Variants in PKP1 observed in about 807,000 individuals in gnomAD.
PKP1 encodes the protein plakophilin-1.
In PKP1, 27 loss-of-function variants were observed where a neutral mutation model predicts 76.4. That is an observed-to-expected ratio of 0.35 (90% CI 0.26 to 0.49). The LOEUF is 0.49. PKP1 is among the 20% of genes least tolerant of loss of function. The pLI, the probability that PKP1 is intolerant of heterozygous loss-of-function variation, is 0.99. For missense variants in PKP1, 964 were observed against 955.2 expected (o/e 1.01, Z -0.12); for synonymous variants, 404 against 384.2 (o/e 1.05, Z -0.60).
chr1:201,298,347 G>T (rs549646493), intron 2 of PKP1, among the ~76,000 whole-genome samples: 4 of 152,212 alleles, frequency 2.6e-5, no homozygotes, highest in Non-Finnish European at 5.9e-5. Flanking sequence ...AAGCTGAGGC[G>T]TGTGGACAAT....
chr1:201,294,042 T>G lies in PKP1; in HGVS notation c.303T>G (p.Tyr101Ter). The G allele has an allele frequency of 6.2e-7, 1 of 1,602,354 alleles. No homozygotes were observed. Among genetic ancestry groups the G allele is most frequent in the Non-Finnish European group, 8.6e-7 (1 of 1,169,486 alleles). ...KFQAGNGSWG[Y>*]PIYNGTLKRE... ...AGGCAGGGAATGGCTCATGGGGATA[T>G]CCGGTAAGGAACTGCTTCCATCCTA... Residue 101 changes from tyrosine (Y) to a stop codon, truncating the protein, a stop_gained, in exon 2 of 14, where the codon TAT becomes TAG. Transcript: ENST00000367324. LOFTEE classifies it high-confidence loss of function.
chr1:201,305,799 C>T (rs563079964), intron 2 of PKP1, among the ~76,000 whole-genome samples: 16 of 152,304 alleles, frequency 1.1e-4, no homozygotes, highest in South Asian at 1.0e-3. Context: ...GGTGCTGGCT[C>T]GTCATCCAGG....
chr1:201,297,529 C>T (rs545719489), intron 2 of PKP1, among the ~76,000 whole-genome samples: 7 of 152,260 alleles, frequency 4.6e-5, no homozygotes, highest in Admixed American at 4.6e-4. Context: ...GAAACGCAGG[C>T]CCAGAGAAGA....
rs759929631 is a variant in PKP1 at position 201,283,741 on chromosome 1, A to G, written c.39A>G (p.Glu13=). The G allele has an allele frequency of 6.2e-7, 1 of 1,614,092 alleles. No homozygotes were observed. The highest frequency in any genetic ancestry group is 8.5e-7 in the Non-Finnish European group (1 of 1,179,948). The part of the protein sequence containing the change: ...HSPLKTALAY[E]CFQDQDNSTL... ...CGCTCAAGACCGCCTTGGCGTACGA[A>G]TGCTTCCAGGACCAGGACAACTCCA... is the stretch of plus-strand genomic sequence containing the variant. The change falls in exon 1 of 14, where the codon GAA becomes GAG. Residue 13 remains glutamate, a synonymous_variant. Coordinates refer to ENST00000367324, the MANE Select transcript of PKP1 (RefSeq NM_001005337.3).
At chr1:201,328,013 T>A (rs1657203419) in intron 12 of PKP1, among the ~76,000 whole-genome samples, 1 of 152,218 alleles carries the variant, frequency 6.6e-6, no homozygotes, top group Admixed American at 6.5e-5. Flanking sequence ...AACCGGCTGC[T>A]GTTTCGGATC....
chr1:201,330,551 G>C lies in PKP1; in HGVS notation c.*510G>C, dbSNP rs1229892755. On this transcript the variant is annotated 3_prime_UTR_variant, in exon 14 of 14. Transcript: ENST00000367324. ...ATAATTCCTGAAATGTGTGGTGCCA[G>C]GGCAAGGGGGCCATCACTGCAGTCA... The C allele has an allele frequency of 1.1e-4, 16 of 152,276 alleles. No homozygotes were observed. Among genetic ancestry groups the C allele is most frequent in the Non-Finnish European group, 2.9e-5 (2 of 68,086 alleles). 9.4% of individuals were successfully genotyped at this position (152,276 alleles called of 1,614,324 possible).
At position 201,283,773 on chromosome 1, in the gene PKP1, C is replaced by T; in HGVS notation, c.71C>T (p.Ala24Val). The change falls in exon 1 of 14, where the codon GCT (alanine) becomes GTT (valine). Residue 24 changes from alanine (A) to valine (V), a missense_variant. Transcript: ENST00000367324. ...CAGGACCAGGACAACTCCACGTTGG[C>T]TTTGCCGTCGGACCAAAAGATGAAA... ...CFQDQDNSTL[A>V]LPSDQKMKTG... 1 of 1,614,184 alleles carries T rather than the reference C, an allele frequency of 6.2e-7. No individual in the cohort carries two copies. Among genetic ancestry groups the T allele is most frequent in the South Asian group, 1.1e-5 (1 of 91,092 alleles).
At chr1:201,303,208 G>A (rs1450976001) in intron 2 of PKP1, among the ~76,000 whole-genome samples, 1 of 152,180 alleles carries the variant, frequency 6.6e-6, no homozygotes, top group Non-Finnish European at 1.5e-5. Context: ...TTTAGAGACA[G>A]GGTCTCACTA....
chr1:201,287,296 G>A (rs1386672074), intron 1 of PKP1, among the ~76,000 whole-genome samples: 5 of 152,220 alleles, frequency 3.3e-5, no homozygotes, highest in African/African-American at 1.2e-4. Context: ...CATCAGGGGA[G>A]AGGGGGGCAT....
At chr1:201,285,857 C>T (rs572566277) in intron 1 of PKP1, among the ~76,000 whole-genome samples, 67 of 152,314 alleles carry the variant, frequency 4.4e-4, no homozygotes, top group African/African-American at 1.5e-3. Flanking sequence ...TCCCAAGGTC[C>T]CCCAGGGGGC....
At chr1:201,326,342 G>C (rs1657126781) in intron 12 of PKP1, among the ~76,000 whole-genome samples, 1 of 152,264 alleles carries the variant, frequency 6.6e-6, no homozygotes, top group Non-Finnish European at 1.5e-5. Flanking sequence ...GGGCTGAGAA[G>C]CCTGGAGGCT....
At chr1:201,293,715 G>A (rs1655991603) in intron 1 of PKP1, among the ~76,000 whole-genome samples, 1 of 152,170 alleles carries the variant, frequency 6.6e-6, no homozygotes, top group African/African-American at 2.4e-5. Context: ...ACAGATGAGA[G>A]TTTTAGAGCT....
Position 201,332,552 on chromosome 1 carries a change from C to G in PKP1, c.*2511C>G, listed in dbSNP as rs1657361148. 6.6e-6 allele frequency: 1 copy of G among 152,232 alleles called. No individual in the cohort carries two copies. Among genetic ancestry groups the G allele is most frequent in the East Asian group, 1.9e-4 (1 of 5,204 alleles). The allele number at this position is 152,232 out of a possible 1,614,324, so 9.4% of individuals were successfully genotyped here. A position where few individuals can be genotyped will look rare whatever the true frequency, so the allele number is the denominator to read the frequency against. Reference sequence around the variant, plus strand: ...CACATTGGCCTCACACTACCAGGGCCAATGCCCAAAATAAGGAGTTCCAAT... The same window carrying G: ...CACATTGGCCTCACACTACCAGGGCGAATGCCCAAAATAAGGAGTTCCAAT... On this transcript the variant is annotated 3_prime_UTR_variant, in exon 14 of 14. Transcript: ENST00000367324.
intron 2 of PKP1, among the ~76,000 whole-genome samples, chr1:201,302,524 C>T (rs1479686741): frequency 6.6e-6 from 1 of 152,208 alleles, no homozygotes; most frequent in Non-Finnish European, 1.5e-5. Context: ...CTAGACTCAG[C>T]GAGACAAATG....
intron 1 of PKP1, among the ~76,000 whole-genome samples, chr1:201,291,256 T>C (rs149377400): frequency 7.2e-5 from 11 of 152,144 alleles, no homozygotes; most frequent in South Asian, 2.1e-4. Context: ...CAACTACAGA[T>C]AGGTCTTAGG....
At position 201,283,658 on chromosome 1, in the gene PKP1, C is replaced by A. The variant is rs761199347; in HGVS notation, c.-45C>A. Reference sequence around the variant, plus strand: ...CTGCACCGCACCTCGCCTCGCCTCTCTGCTCTCCTAGGCCCCGGCCGCGCG... The same window carrying A: ...CTGCACCGCACCTCGCCTCGCCTCTATGCTCTCCTAGGCCCCGGCCGCGCG... On this transcript the variant is annotated 5_prime_UTR_variant, in exon 1 of 14. In the 5' UTR this introduces an upstream ATG that the reference lacks. Transcript: ENST00000367324. 3.3e-5 allele frequency: 51 copies of A among 1,554,442 alleles called. No individual in the cohort carries two copies. Among genetic ancestry groups the A allele is most frequent in the Non-Finnish European group, 4.2e-5 (48 of 1,133,494 alleles).
At chr1:201,316,301 G>A in intron 3 of PKP1, 1 of 525,754 alleles carries the variant, frequency 1.9e-6, no homozygotes, top group Non-Finnish European at 3.4e-6. Flanking sequence ...TAACATACCT[G>A]CTAGGACATT....
chr1:201,293,398 C>G (rs1366929535), intron 1 of PKP1, among the ~76,000 whole-genome samples: 5 of 152,170 alleles, frequency 3.3e-5, no homozygotes, highest in Non-Finnish European at 7.3e-5. Flanking sequence ...TCGCCGCTCC[C>G]CCTTCACCAG....
chr1:201,324,847 G>C, intron 10 of PKP1, 94 bp from the exon 11 acceptor site: 1 of 1,289,322 alleles, frequency 7.8e-7, no homozygotes, highest in Non-Finnish European at 1.1e-6. Flanking sequence ...GAGCCCGGCA[G>C]AAGGCTATCG....
Sources: gnomAD v4.1 joint callset for allele counts (sites outside exome capture counted in the v4.1 genomes callset) on GRCh38, gnomAD v4.1.1 for gene constraint, MANE v1.5 for transcripts, NCBI Gene and HGNC (gene_info 2026-07-23, HGNC 2026-07-21) for gene names.